Variants in XRCC4 observed in about 807,000 individuals in gnomAD.
The protein encoded by XRCC4 is X-ray repair cross complementing 4, also known as DNA repair protein XRCC4.
Under a neutral mutation model 39.1 loss-of-function variants are expected in XRCC4, and 28 were observed. The observed-to-expected ratio is 0.72, with a 90% CI of 0.53 to 0.98. The LOEUF is 0.98. Among genes scored for constraint, XRCC4 ranks in the 50% least tolerant of loss-of-function variants. The probability of loss-of-function intolerance (pLI) is 0.00; values close to 1 mark genes in which losing one functional copy is unlikely to be tolerated. For missense variants in XRCC4, 350 were observed against 376.4 expected, an observed-to-expected ratio of 0.93 and a Z score of 0.58; for synonymous variants, 123 against 126.4, an observed-to-expected ratio of 0.97 and a Z score of 0.18.
At position 83,336,612 on chromosome 5, in the gene XRCC4, A is replaced by G. The variant is rs557854339; in HGVS notation, c.894-16519A>G. 5.3e-5 allele frequency among the ~76,000 whole-genome samples: 8 copies of G among 152,306 alleles called. No homozygotes were observed. The East Asian group carries it at 1.5e-3, about 29-fold the overall frequency. On this transcript the variant is annotated intron_variant, in intron 7 of 7. Transcript: ENST00000396027. ...CTGTTGTTTCTCAATAGCCAGATAT[A>G]AGAGATTTAAATTGACTAACATTCA...
intron 7 of XRCC4, among the ~76,000 whole-genome samples, chr5:83,302,768 A>G (rs1192483885): frequency 2.0e-5 from 3 of 152,224 alleles, no homozygotes; most frequent in African/African-American, 7.2e-5. Context: ...AGCTAACACT[A>G]TTAAGGATTT....
rs770811313 is a variant in XRCC4 at position 83,186,941 on chromosome 5, A to ATTTTTTTT, written c.316-8816_316-8809dup. 7.5e-3 allele frequency among the ~76,000 whole-genome samples: 657 copies of ATTTTTTTT among 87,478 alleles called. 155 individuals carry two copies. Among genetic ancestry groups the ATTTTTTTT allele is most frequent in the African/African-American group, 0.038 (637 of 16,620 alleles). The allele number at this position is 87,478 out of a possible 152,430, so 57.4% of individuals were successfully genotyped here. A position where few individuals can be genotyped will look rare whatever the true frequency, so the allele number is the denominator to read the frequency against. On this transcript the variant is annotated intron_variant, in intron 3 of 7. Transcript: ENST00000396027. ...TTTTGGCTCATGGCCTGCTTCTTCC[A>ATTTTTTTT]TTTTTTTTTTTTTTTTTTTTGAGAC...
chr5:83,350,944 A>G (rs1757062543), intron 7 of XRCC4, among the ~76,000 whole-genome samples: 1 of 152,106 alleles, frequency 6.6e-6, no homozygotes, highest in Non-Finnish European at 1.5e-5. Flanking sequence ...ATGTTTGTAT[A>G]TGTTGAAAGG....
At chr5:83,158,829 G>A (rs1749077937) in intron 3 of XRCC4, among the ~76,000 whole-genome samples, 1 of 151,788 alleles carries the variant, frequency 6.6e-6, no homozygotes, top group Non-Finnish European at 1.5e-5. Flanking sequence ...AAAAAACATT[G>A]AAAAAAATAC....
intron 7 of XRCC4, among the ~76,000 whole-genome samples, chr5:83,331,431 TACAC>T (rs1008180228): frequency 8.5e-5 from 13 of 152,074 alleles, no homozygotes; most frequent in Admixed American, 7.9e-4. Context: ...CAGGAACTCT[TACAC>T]ACTGCTAAAG....
intron 3 of XRCC4, among the ~76,000 whole-genome samples, chr5:83,191,579 A>C (rs1358509280): frequency 6.6e-6 from 1 of 152,180 alleles, no homozygotes; most frequent in Non-Finnish European, 1.5e-5. Context: ...CCACCCCTGT[A>C]ATCCCAGCTA....
rs1750915225 is a variant in XRCC4, at chr5:83,195,849, A to G, written c.395A>G (p.Asp132Gly). The change falls in exon 4 of 8, where the codon GAC becomes GGC. Residue 132 changes from aspartate (D) to glycine (G), a missense_variant. Physicochemically the swap from Asp to Gly is moderately conservative, Grantham distance 94 (BLOSUM62 -1). Transcript: ENST00000396027. Reference protein sequence around the residue: ...VIRELICYCLDTIAENQAKNE... With the variant: ...VIRELICYCLGTIAENQAKNE... ...AGAGAACTTATTTGTTATTGCTTGG[A>G]CACCATTGCAGAAAATCAAGCCAAA... is the stretch of plus-strand genomic sequence containing the variant. The G allele has an allele frequency of 1.3e-5, 21 of 1,612,438 alleles. No homozygotes were observed. Among genetic ancestry groups the G allele is most frequent in the Non-Finnish European group, 1.8e-5 (21 of 1,178,952 alleles).
chr5:83,366,412 AT>A, the XRCC4 span, among the ~76,000 whole-genome samples: 6 of 152,180 alleles, frequency 3.9e-5, no homozygotes, highest in African/African-American at 9.6e-5. Context: ...CCAGAATTAA[AT>A]TTTTTTTCTA....
intron 7 of XRCC4, among the ~76,000 whole-genome samples, chr5:83,348,288 A>C (rs1230954861): frequency 6.6e-6 from 1 of 152,172 alleles, no homozygotes; most frequent in Non-Finnish European, 1.5e-5. Context: ...GCCCTAGTAG[A>C]GGTTCTCCAA....
chr5:83,094,658 T>TTA (rs1480994733), intron 1 of XRCC4, among the ~76,000 whole-genome samples: 4 of 151,792 alleles, frequency 2.6e-5, no homozygotes, highest in African/African-American at 9.7e-5. Context: ...AATTTTCTAT[T>TTA]TATATATTCT....
At chr5:83,213,232 G>A (rs1020470155) in intron 6 of XRCC4, among the ~76,000 whole-genome samples, 25 of 151,840 alleles carry the variant, frequency 1.6e-4, no homozygotes, top group Non-Finnish European at 8.8e-5. Context: ...GTTTTGTGAC[G>A]CATATTAAGA....
chr5:83,168,567 A>G (rs986024092), intron 3 of XRCC4, among the ~76,000 whole-genome samples: 1 of 152,192 alleles, frequency 6.6e-6, no homozygotes, highest in Admixed American at 6.5e-5. Flanking sequence ...GCAATTAGAG[A>G]ATGTACATTT....
intron 7 of XRCC4, among the ~76,000 whole-genome samples, chr5:83,301,049 G>T (rs563702315): frequency 6.6e-6 from 1 of 152,096 alleles, no homozygotes; most frequent in Non-Finnish European, 1.5e-5. Context: ...ATATGTGTGC[G>T]TGTGTCTTTA....
At chr5:83,338,501 A>G (rs1211744871) in intron 7 of XRCC4, among the ~76,000 whole-genome samples, 1 of 152,216 alleles carries the variant, frequency 6.6e-6, no homozygotes, top group Admixed American at 6.5e-5. Flanking sequence ...TTTATAAAAC[A>G]TTAATTTTAT....
At chr5:83,295,411 T>C (rs1755058868) in intron 7 of XRCC4, among the ~76,000 whole-genome samples, 1 of 152,066 alleles carries the variant, frequency 6.6e-6, no homozygotes. Flanking sequence ...AGAGCTTACA[T>C]GTTAGGGGAA....
chr5:83,103,156 CTG>C (rs1474982916), intron 1 of XRCC4, among the ~76,000 whole-genome samples: 1 of 151,490 alleles, frequency 6.6e-6, no homozygotes, highest in East Asian at 1.9e-4. Flanking sequence ...ACATGCGTGT[CTG>C]TGGATAAAGA....
chr5:83,110,024 CTT>C (rs1580231090), intron 2 of XRCC4, among the ~76,000 whole-genome samples: 2 of 151,918 alleles, frequency 1.3e-5, no homozygotes, highest in African/African-American at 4.8e-5. Context: ...AAATGGAACA[CTT>C]TGCCTCAAAT....
At chr5:83,305,608 G>C (rs181121374) in intron 7 of XRCC4, among the ~76,000 whole-genome samples, 4 of 152,172 alleles carry the variant, frequency 2.6e-5, no homozygotes, top group African/African-American at 9.6e-5. Flanking sequence ...TATTAACTTA[G>C]ACTGGATTAA....
chr5:83,180,428 TA>T (rs1750153847), intron 3 of XRCC4, among the ~76,000 whole-genome samples: 1 of 152,136 alleles, frequency 6.6e-6, no homozygotes, highest in South Asian at 2.1e-4. Context: ...CTATGCTCAT[TA>T]AAACATTTCA....
Sources: allele counts gnomAD v4.1 joint callset (sites outside exome capture counted in the v4.1 genomes callset), GRCh38; gene constraint gnomAD v4.1.1; transcripts MANE v1.5; gene names NCBI Gene and HGNC (gene_info 2026-07-23, HGNC 2026-07-21).